STRN: variants seen among roughly 807,000 people sequenced by gnomAD.
STRN encodes protein phosphatase 2 regulatory subunit B'''alpha.
In STRN, 53 loss-of-function variants were observed where a neutral mutation model predicts 96.3. The observed-to-expected ratio is 0.55, with a 90% CI of 0.44 to 0.69. STRN has a LOEUF of 0.69. Among genes scored for constraint, STRN ranks in the 30% least tolerant of loss-of-function variants. The pLI is 0.00. For missense variants in STRN, 987 were observed against 963.9 expected (o/e 1.02, Z -0.32); for synonymous variants, 428 against 355.9 (o/e 1.20, Z -2.28).
At chr2:36,953,880 C>T (rs2148271948) in intron 1 of STRN, among the ~76,000 whole-genome samples, 1 of 152,216 alleles carries the variant, frequency 6.6e-6, no homozygotes, top group Admixed American at 6.5e-5. Flanking sequence ...ACTGTAATCC[C>T]AGCTACTCTG....
At chr2:36,888,243 C>T (rs77543089) in intron 7 of STRN, among the ~76,000 whole-genome samples, 1 of 152,276 alleles carries the variant, frequency 6.6e-6, no homozygotes, top group African/African-American at 2.4e-5. Context: ...TAATTGTTCC[C>T]CCTTCCCCAT....
intron 1 of STRN, among the ~76,000 whole-genome samples, chr2:36,947,392 G>A (rs1664604966): frequency 6.6e-6 from 1 of 151,372 alleles, no homozygotes; most frequent in South Asian, 2.1e-4. Flanking sequence ...ACATCACAAA[G>A]TAAATACTAT....
intron 1 of STRN, among the ~76,000 whole-genome samples, chr2:36,964,670 T>A (rs961868617): frequency 1.3e-5 from 2 of 152,200 alleles, no homozygotes; most frequent in African/African-American, 4.8e-5. Flanking sequence ...AGCTGCTCAT[T>A]TGTCATCTCT....
In STRN at chr2:36,842,823, G is replaced by C. The variant is rs1202843677; in HGVS notation, c.*6633C>G. 6.6e-6 allele frequency among the ~76,000 whole-genome samples: 1 copy of C among 152,088 alleles called. No individual in the cohort carries two copies. The highest frequency in any genetic ancestry group is 1.5e-5 in the Non-Finnish European group (1 of 68,020). ...AGAGCCGTATGTCAGTGCTTCCTTAGAGAACTGGAGTGTTCTGGTCATCCT... is the reference window on the plus strand; with the variant it reads ...AGAGCCGTATGTCAGTGCTTCCTTACAGAACTGGAGTGTTCTGGTCATCCT... On this transcript the variant is annotated 3_prime_UTR_variant, in exon 18 of 18. Transcript: ENST00000263918.
At chr2:36,925,725 A>T (rs1488487329) in intron 1 of STRN, among the ~76,000 whole-genome samples, 1 of 152,194 alleles carries the variant, frequency 6.6e-6, no homozygotes, top group Non-Finnish European at 1.5e-5. Flanking sequence ...GTAAGCCGAG[A>T]TCACGCCTCT....
At chr2:36,861,331 G>T in intron 12 of STRN, 78 bp from the exon 13 acceptor site, 2 of 1,534,068 alleles carry the variant, frequency 1.3e-6, no homozygotes, top group African/African-American at 1.4e-5. Context: ...AAATAAGAAT[G>T]TTTAATTACC....
At chr2:36,918,710 T>C (rs1670172872) in intron 2 of STRN, among the ~76,000 whole-genome samples, 1 of 152,196 alleles carries the variant, frequency 6.6e-6, no homozygotes, top group South Asian at 2.1e-4. Context: ...CCCTACTGAA[T>C]TGTTACATTC....
intron 4 of STRN, 39 bp downstream of exon 4, chr2:36,905,501 G>C (rs1669797490): frequency 6.4e-7 from 1 of 1,560,040 alleles, no homozygotes; most frequent in African/African-American, 1.4e-5. Context: ...ACTGTTTCTT[G>C]TCTTCAGCCA....
At chr2:36,928,715 C>T (rs1325323701) in intron 1 of STRN, among the ~76,000 whole-genome samples, 4 of 149,332 alleles carry the variant, frequency 2.7e-5, no homozygotes, top group Non-Finnish European at 4.4e-5. Flanking sequence ...GAGGCCGAGG[C>T]GGGTGGATCA....
At chr2:36,887,526 C>T (rs1669273117) in intron 7 of STRN, among the ~76,000 whole-genome samples, 1 of 151,548 alleles carries the variant, frequency 6.6e-6, no homozygotes, top group Non-Finnish European at 1.5e-5. Flanking sequence ...TCCTCTAGGA[C>T]TAACACAAAA....
intron 11 of STRN, among the ~76,000 whole-genome samples, chr2:36,869,193 G>C (rs1197498705): frequency 6.6e-6 from 1 of 152,144 alleles, no homozygotes; most frequent in Non-Finnish European, 1.5e-5. Context: ...GCAAGGTGGA[G>C]GTGGACATTT....
At chr2:36,952,581 A>G (rs554292517) in intron 1 of STRN, among the ~76,000 whole-genome samples, 15 of 152,370 alleles carry the variant, frequency 9.8e-5, no homozygotes, top group African/African-American at 3.4e-4. Context: ...GGGAATGATT[A>G]ATATCTACCA....
intron 1 of STRN, among the ~76,000 whole-genome samples, chr2:36,938,670 C>A (rs1670766888): frequency 6.6e-6 from 1 of 152,040 alleles, no homozygotes; most frequent in South Asian, 2.1e-4. Flanking sequence ...CTATTAATAT[C>A]CTGTTTAATG....
At position 36,858,063 on chromosome 2, in the gene STRN, A is replaced by C. The variant is rs375668893; in HGVS notation, c.1670-40T>G. Reference sequence around the variant, plus strand: ...AAAAATGCAAAATCAGGAGAAAAACAACCACAAAGGTACTTAGATTTCAGA... The same window carrying C: ...AAAAATGCAAAATCAGGAGAAAAACCACCACAAAGGTACTTAGATTTCAGA... On this transcript the variant is annotated intron_variant, in intron 13 of 17. Coordinates refer to ENST00000263918, the MANE Select transcript of STRN (RefSeq NM_003162.4). 98 of 1,514,190 alleles carry C rather than the reference A, an allele frequency of 6.5e-5. 1 individual carries two copies. The African/African-American group carries it at 1.2e-3, about 19-fold the overall frequency. The allele number at this position is 1,514,190 out of a possible 1,614,324, so 93.8% of individuals were successfully genotyped here.
At chr2:36,906,429 AG>A (rs1041357297) in intron 3 of STRN, among the ~76,000 whole-genome samples, 2 of 151,954 alleles carry the variant, frequency 1.3e-5, no homozygotes. Flanking sequence ...ACTGTACTCC[AG>A]CCTAGGCAAC....
In STRN at chr2:36,849,808, A is replaced by G. The variant is rs777632610; in HGVS notation, c.2087-8T>C. On this transcript the variant is annotated splice_region_variant and splice_polypyrimidine_tract_variant and intron_variant, in intron 16 of 17. Transcript: ENST00000263918. ...TCGAGTGGATCAGTTTGCCTTTGGA[A>G]AAAGAGATTGTTACTCCTTATTAAT... The G allele has an allele frequency of 6.2e-7, 1 of 1,613,802 alleles. No homozygotes were observed. The highest frequency in any genetic ancestry group is 1.7e-5 in the Admixed American group (1 of 60,000).
intron 6 of STRN, among the ~76,000 whole-genome samples, chr2:36,897,967 A>T (rs1391830230): frequency 1.3e-5 from 2 of 152,146 alleles, no homozygotes; most frequent in Admixed American, 1.3e-4. Context: ...CTGGGGTTAC[A>T]GGCACAAGCC....
intron 5 of STRN, 80 bp from the exon 6 acceptor site, chr2:36,899,738 A>C: frequency 7.8e-7 from 1 of 1,279,638 alleles, no homozygotes; most frequent in Non-Finnish European, 1.1e-6. Context: ...TGTTACATCA[A>C]CTTCTATTTA....
In STRN at chr2:36,868,292, T is replaced by C. The variant is rs192631610; in HGVS notation, c.1500-431A>G. Among the ~76,000 whole-genome samples the C allele has an allele frequency of 3.6e-3, 545 of 152,280 alleles. 1 individual carries two copies. Among genetic ancestry groups the C allele is most frequent in the Non-Finnish European group, 6.3e-3 (429 of 67,992 alleles). On this transcript the variant is annotated intron_variant, in intron 11 of 17. Coordinates refer to ENST00000263918, the MANE Select transcript of STRN (RefSeq NM_003162.4). ...AACACCAAATAATCACAGGATTAAATAGGATTCTACAATTTAAAAAACACC... is the reference window on the plus strand; with the variant it reads ...AACACCAAATAATCACAGGATTAAACAGGATTCTACAATTTAAAAAACACC...
Sources: gnomAD v4.1 joint callset for allele counts (sites outside exome capture counted in the v4.1 genomes callset) on GRCh38, gnomAD v4.1.1 for gene constraint, MANE v1.5 for transcripts, NCBI Gene and HGNC (gene_info 2026-07-23, HGNC 2026-07-21) for gene names.